PHIP: variants seen among roughly 807,000 people sequenced by gnomAD.
The protein encoded by PHIP is PH-interacting protein.
PHIP carries 54 observed loss-of-function variants against 236.8 expected under a neutral mutation model. That is an observed-to-expected ratio of 0.23 (90% CI 0.18 to 0.29). The LOEUF is 0.29. PHIP is among the 10% of genes least tolerant of loss of function. PHIP has a pLI of 1.00. For missense variants in PHIP, 1,370 were observed against 2,190.8 expected (o/e 0.63, Z 7.48); for synonymous variants, 756 against 718.9 (o/e 1.05, Z -0.83).
chr6:78,950,968 C>G (rs1030928225), intron 35 of PHIP, among the ~76,000 whole-genome samples: 2 of 152,050 alleles, frequency 1.3e-5, no homozygotes, highest in Non-Finnish European at 2.9e-5. Context: ...CTGCTGTACT[C>G]TTTAGTACAT....
intron 30 of PHIP, 51 bp downstream of exon 30, chr6:78,963,046 T>A: frequency 6.7e-7 from 1 of 1,494,398 alleles, no homozygotes; most frequent in Non-Finnish European, 9.0e-7. Context: ...TATTTTTCCA[T>A]TACTTTGTGT....
intron 4 of PHIP, among the ~76,000 whole-genome samples, chr6:79,075,784 T>C (rs940552669): frequency 6.6e-6 from 1 of 152,158 alleles, no homozygotes; most frequent in Non-Finnish European, 1.5e-5. Context: ...TTAAGGTTTG[T>C]GGGTTTTTAA....
intron 6 of PHIP, among the ~76,000 whole-genome samples, chr6:79,049,578 C>G (rs867005331): frequency 2.0e-5 from 3 of 152,262 alleles, no homozygotes; most frequent in African/African-American, 7.2e-5. Context: ...CTTTGGCTTT[C>G]TACAAATACG....
intron 7 of PHIP, among the ~76,000 whole-genome samples, chr6:79,037,887 A>G (rs1237907919): frequency 6.6e-6 from 1 of 152,222 alleles, no homozygotes; most frequent in Non-Finnish European, 1.5e-5. Flanking sequence ...AAATAACAAC[A>G]AAGGCAAAGA....
At chr6:79,050,378 C>G (rs1475756161) in intron 6 of PHIP, among the ~76,000 whole-genome samples, 1 of 152,130 alleles carries the variant, frequency 6.6e-6, no homozygotes, top group Non-Finnish European at 1.5e-5. Context: ...AGCAGATATT[C>G]CTTACCAGTA....
chr6:79,019,128 G>C lies in PHIP; in HGVS notation c.955C>G (p.Arg319Gly). The C allele has an allele frequency of 1.2e-6, 2 of 1,612,778 alleles. No homozygotes were observed. Among genetic ancestry groups the C allele is most frequent in the Non-Finnish European group, 1.7e-6 (2 of 1,179,008 alleles). ...GAACAGATCATTTGAACTCCAGGCC[G>C]AGGGCGCTCTGTAAATTTTGCAGGT... ...PRPAKFTERP[R>G]PGVQMICSSF... The change falls in exon 10 of 40, where the codon CGG (arginine) becomes GGG (glycine). Residue 319 changes from arginine (R) to glycine (G), a missense_variant. Coordinates refer to ENST00000275034, the MANE Select transcript of PHIP (RefSeq NM_017934.7).
chr6:79,013,078 C>T (rs988176330), intron 15 of PHIP, among the ~76,000 whole-genome samples: 7 of 151,724 alleles, frequency 4.6e-5, no homozygotes, highest in African/African-American at 7.2e-5. Context: ...TCCAAGTGCC[C>T]GCATAATAGC....
At chr6:79,049,364 G>A (rs1772674686) in intron 6 of PHIP, among the ~76,000 whole-genome samples, 1 of 152,048 alleles carries the variant, frequency 6.6e-6, no homozygotes, top group African/African-American at 2.4e-5. Flanking sequence ...GGCTGGTCTT[G>A]ACTAGTTTTA....
intron 23 of PHIP, among the ~76,000 whole-genome samples, chr6:78,981,357 AG>A (rs371976984): frequency 6.6e-6 from 1 of 151,992 alleles, no homozygotes; most frequent in African/African-American, 2.4e-5. Flanking sequence ...AATAAGAACA[AG>A]TCCATCTACT....
intron 39 of PHIP, 78 bp downstream of exon 39, chr6:78,945,222 T>G: frequency 9.2e-7 from 1 of 1,081,940 alleles, no homozygotes; most frequent in Non-Finnish European, 1.4e-6. Context: ...GAAAAGTGGA[T>G]ATAAATGCTG....
chr6:79,010,383 A>G (rs1245758914), intron 15 of PHIP, among the ~76,000 whole-genome samples: 1 of 151,576 alleles, frequency 6.6e-6, no homozygotes, highest in African/African-American at 2.4e-5. Flanking sequence ...GGATTAGTGG[A>G]CACTGGAACT....
In PHIP at chr6:78,936,636, C is replaced by G. The variant is rs1394125051; in HGVS notation, c.*4057G>C. Reference sequence around the variant, plus strand: ...TCTGCATTAAAAAAGTATTTCAACACAGAGCTATCAAAACTAAAAATAATA... The same window carrying G: ...TCTGCATTAAAAAAGTATTTCAACAGAGAGCTATCAAAACTAAAAATAATA... On this transcript the variant is annotated 3_prime_UTR_variant, in exon 40 of 40. Coordinates refer to ENST00000275034, the MANE Select transcript of PHIP (RefSeq NM_017934.7). 1.3e-5 allele frequency: 2 copies of G among 151,814 alleles called. No homozygotes were observed. Among genetic ancestry groups the G allele is most frequent in the Non-Finnish European group, 3.0e-5 (2 of 67,752 alleles). The allele number at this position is 151,814 out of a possible 1,614,324, so 9.4% of individuals were successfully genotyped here. A position where few individuals can be genotyped will look rare whatever the true frequency, so the allele number is the denominator to read the frequency against.
chr6:78,995,313 G>A (rs145431537), intron 19 of PHIP, among the ~76,000 whole-genome samples: 97 of 152,214 alleles, frequency 6.4e-4, no homozygotes, highest in African/African-American at 2.2e-3. Context: ...TACAAATAAA[G>A]CTGCTATACA....
At chr6:78,983,663 CTG>C (rs2127718952) in intron 22 of PHIP, among the ~76,000 whole-genome samples, 1 of 152,202 alleles carries the variant, frequency 6.6e-6, no homozygotes, top group South Asian at 2.1e-4. Context: ...AGGGGAAAGA[CTG>C]TGTTTGCAAA....
In PHIP at chr6:78,934,512, A is replaced by G. The variant is rs1191214751; in HGVS notation, c.*6181T>C. On this transcript the variant is annotated 3_prime_UTR_variant, in exon 40 of 40. Transcript: ENST00000275034. ...TACAATAGTGTGTTGTAAAAACATTAAAAGTCCTTCTGCTAAGGGTTCAGA... is the reference window on the plus strand; with the variant it reads ...TACAATAGTGTGTTGTAAAAACATTGAAAGTCCTTCTGCTAAGGGTTCAGA... Among the ~76,000 whole-genome samples, 1 of 152,240 alleles carries G rather than the reference A, an allele frequency of 6.6e-6. No individual in the cohort carries two copies. Among genetic ancestry groups the G allele is most frequent in the African/African-American group, 2.4e-5 (1 of 41,470 alleles).
chr6:79,071,195 C>A (rs1169230378), intron 4 of PHIP, among the ~76,000 whole-genome samples: 1 of 152,148 alleles, frequency 6.6e-6, no homozygotes, highest in East Asian at 1.9e-4. Context: ...TAAAGGAGGA[C>A]CTGCCTCACA....
At chr6:78,993,629 A>AT (rs1769414618) in intron 19 of PHIP, among the ~76,000 whole-genome samples, 1 of 152,198 alleles carries the variant, frequency 6.6e-6, no homozygotes, top group Non-Finnish European at 1.5e-5. Context: ...CAGCACATCT[A>AT]TTTATAGCAT....
chr6:79,024,822 T>C (rs1472992945), intron 9 of PHIP, among the ~76,000 whole-genome samples: 1 of 151,796 alleles, frequency 6.6e-6, no homozygotes, highest in Non-Finnish European at 1.5e-5. Flanking sequence ...AATAAATAAA[T>C]AAATAAATAA....
chr6:79,064,497 A>G (rs949477006), intron 4 of PHIP, among the ~76,000 whole-genome samples: 3 of 152,224 alleles, frequency 2.0e-5, no homozygotes, highest in Non-Finnish European at 4.4e-5. Flanking sequence ...TACAAAAAAT[A>G]GCTCTTATCA....
Sources: gnomAD v4.1 joint callset for allele counts (sites outside exome capture counted in the v4.1 genomes callset) on GRCh38, gnomAD v4.1.1 for gene constraint, MANE v1.5 for transcripts, NCBI Gene and HGNC (gene_info 2026-07-23, HGNC 2026-07-21) for gene names.